Variants in LIMA1 observed in about 807,000 individuals in gnomAD.
LIMA1 encodes LIM domain and actin binding 1, also known as LIM domain and actin-binding protein 1.
In LIMA1, 52 loss-of-function variants were observed where a neutral mutation model predicts 62.6. The ratio of observed to expected loss-of-function variants is 0.83; its 90% CI spans 0.67 to 1.05. The LOEUF (loss-of-function observed/expected upper bound fraction) is 1.05. Ranked by LOEUF, LIMA1 falls within the 50% of genes least tolerant of loss-of-function variation. The pLI, the probability that LIMA1 is intolerant of heterozygous loss-of-function variation, is 0.00. For missense variants in LIMA1, 780 were observed against 902.2 expected (o/e 0.86, Z 1.74); for synonymous variants, 302 against 317.8 (o/e 0.95, Z 0.53).
chr12:50,204,515 G>A (rs561531000), intron 6 of LIMA1, 37 bp downstream of exon 6: 2 of 1,590,768 alleles, frequency 1.3e-6, no homozygotes, highest in South Asian at 2.2e-5. Flanking sequence ...GCTGGATGAT[G>A]GAATGAATGA....
chr12:50,257,245 A>T (rs11831775), intron 1 of LIMA1, among the ~76,000 whole-genome samples: 10 of 152,162 alleles, frequency 6.6e-5, no homozygotes, highest in African/African-American at 2.2e-4. Flanking sequence ...TCAACCATTT[A>T]CTTAGAAGAT....
At position 50,206,169 on chromosome 12, in the gene LIMA1, A is replaced by G. The variant is rs750662645; in HGVS notation, c.631-101T>C. 9.7e-4 allele frequency: 756 copies of G among 779,798 alleles called. 4 individuals are homozygous for G. In the Middle Eastern group the frequency reaches 0.023, roughly 23 times the overall value. The allele number at this position is 779,798 out of a possible 1,614,324, so 48.3% of individuals were successfully genotyped here. ...TCTTTATAAATAAAATCCAGATTTG[A>G]TTTTATATTTTATATTCTATAGAAT... is the stretch of plus-strand genomic sequence containing the variant. On this transcript the variant is annotated intron_variant, in intron 4 of 10. Transcript: ENST00000341247.
intron 1 of LIMA1, among the ~76,000 whole-genome samples, chr12:50,263,857 GTATATATATATATATATAT>G (rs1942105113): frequency 8.0e-6 from 1 of 125,684 alleles, no homozygotes; most frequent in African/African-American, 3.1e-5. Context: ...TATATAGAGA[GTATATATATATATATATAT>G]AAAGTATATA....
At chr12:50,181,558 G>A (rs1262766490) in intron 10 of LIMA1, among the ~76,000 whole-genome samples, 1 of 152,166 alleles carries the variant, frequency 6.6e-6, no homozygotes, top group East Asian at 1.9e-4. Context: ...GTTAAGACAA[G>A]TAAGGGCTTA....
chr12:50,225,099 TC>T (rs1162525547), intron 3 of LIMA1, among the ~76,000 whole-genome samples: 1 of 151,808 alleles, frequency 6.6e-6, no homozygotes, highest in East Asian at 1.9e-4. Flanking sequence ...ACGGGGTTTC[TC>T]CATGTTGGTC....
intron 1 of LIMA1, among the ~76,000 whole-genome samples, chr12:50,250,490 A>G (rs983896762): frequency 1.4e-5 from 2 of 145,350 alleles, no homozygotes; most frequent in African/African-American, 5.2e-5. Flanking sequence ...TACTAGGCCC[A>G]GGAGTTGGAG....
chr12:50,193,990 T>C (rs1168551530), intron 8 of LIMA1, among the ~76,000 whole-genome samples: 2 of 84,200 alleles, frequency 2.4e-5, no homozygotes, highest in Admixed American at 2.4e-4. Context: ...TATATATATA[T>C]ATATATATTT....
intron 4 of LIMA1, among the ~76,000 whole-genome samples, chr12:50,208,056 T>C (rs190174563): frequency 3.9e-4 from 59 of 152,248 alleles, no homozygotes; most frequent in Non-Finnish European, 6.9e-4. Flanking sequence ...ATATTTAATA[T>C]ATCTCCCAAG....
intron 4 of LIMA1, among the ~76,000 whole-genome samples, chr12:50,207,100 T>C (rs552750563): frequency 1.3e-5 from 2 of 152,238 alleles, no homozygotes; most frequent in African/African-American, 4.8e-5. Context: ...AATTTTTATA[T>C]TTTTAGTAGA....
intron 7 of LIMA1, among the ~76,000 whole-genome samples, chr12:50,196,256 C>A (rs575685306): frequency 6.6e-6 from 1 of 152,292 alleles, no homozygotes; most frequent in African/African-American, 2.4e-5. Context: ...ATAACCATAA[C>A]CCACTCCAAG....
intron 10 of LIMA1, among the ~76,000 whole-genome samples, chr12:50,179,962 T>G (rs1237670896): frequency 6.6e-6 from 1 of 150,632 alleles, no homozygotes; most frequent in Non-Finnish European, 1.5e-5. Context: ...GTCAGAAGTT[T>G]GAGACCAGCC....
chr12:50,255,157 C>T (rs910457091), intron 1 of LIMA1, among the ~76,000 whole-genome samples: 2 of 152,210 alleles, frequency 1.3e-5, no homozygotes, highest in South Asian at 2.1e-4. Flanking sequence ...TCAGTGGCCT[C>T]CTCTCTTTTT....
chr12:50,201,069 G>A (rs1004631871), intron 6 of LIMA1, 185 bp from the exon 7 acceptor site: 3 of 1,395,110 alleles, frequency 2.2e-6, no homozygotes, highest in Non-Finnish European at 2.8e-6. Context: ...CAGCTTTGTG[G>A]ACACATACCT....
At position 50,175,997 on chromosome 12, in the gene LIMA1, A is replaced by G. The variant is rs1382771518; in HGVS notation, c.*1067T>C. The G allele has an allele frequency of 6.6e-6, 1 of 152,198 alleles. No individual in the cohort carries two copies. The highest frequency in any genetic ancestry group is 1.9e-4 in the East Asian group (1 of 5,198). The allele number at this position is 152,198 out of a possible 1,614,324, so 9.4% of individuals were successfully genotyped here. Reference sequence around the variant, plus strand: ...TACAACAAATGTACTCAAGTTTATAATGTCCCCAAACCTTAAGACTAGAAA... The same window carrying G: ...TACAACAAATGTACTCAAGTTTATAGTGTCCCCAAACCTTAAGACTAGAAA... On this transcript the variant is annotated 3_prime_UTR_variant, in exon 11 of 11. Coordinates refer to ENST00000341247, the MANE Select transcript of LIMA1 (RefSeq NM_016357.5).
intron 1 of LIMA1, among the ~76,000 whole-genome samples, chr12:50,266,074 T>G (rs1216203960): frequency 6.6e-6 from 1 of 152,164 alleles, no homozygotes; most frequent in Non-Finnish European, 1.5e-5. Flanking sequence ...AAATACACAA[T>G]GTAAGAAGTA....
At chr12:50,195,708 A>T in intron 8 of LIMA1, 122 bp downstream of exon 8, 3 of 953,990 alleles carry the variant, frequency 3.1e-6, no homozygotes, top group Non-Finnish European at 4.6e-6. Flanking sequence ...ATTAGCCCTT[A>T]AATTCAAGTA....
intron 2 of LIMA1, among the ~76,000 whole-genome samples, chr12:50,232,969 G>A (rs1485850925): frequency 6.6e-6 from 1 of 152,252 alleles, no homozygotes; most frequent in African/African-American, 2.4e-5. Flanking sequence ...CCTAGGTGAC[G>A]GAGCGAGATT....
At chr12:50,192,658 G>T in intron 8 of LIMA1, 97 bp from the exon 9 acceptor site, 1 of 791,084 alleles carries the variant, frequency 1.3e-6, no homozygotes, top group South Asian at 1.4e-5. Flanking sequence ...TTTCATTAAT[G>T]ACAGATCCTT....
At chr12:50,227,396 GC>G (rs1941547749) in intron 3 of LIMA1, among the ~76,000 whole-genome samples, 2 of 151,744 alleles carry the variant, frequency 1.3e-5, no homozygotes, top group African/African-American at 4.8e-5. Context: ...GAGCCACCAA[GC>G]CCGGCTAATT....
Sources: gnomAD v4.1 joint callset for allele counts (sites outside exome capture counted in the v4.1 genomes callset) on GRCh38, gnomAD v4.1.1 for gene constraint, MANE v1.5 for transcripts, NCBI Gene and HGNC (gene_info 2026-07-23, HGNC 2026-07-21) for gene names.